SIRT1: variants seen among roughly 807,000 people sequenced by gnomAD.
SIRT1 encodes the protein NAD-dependent protein deacetylase sirtuin-1.
Under a neutral mutation model 67.9 loss-of-function variants are expected in SIRT1, and 24 were observed. That is an observed-to-expected ratio of 0.35 (90% CI 0.26 to 0.50). SIRT1 has a LOEUF of 0.50. SIRT1 is among the 20% of genes least tolerant of loss of function. The pLI is 0.98. For synonymous variants in SIRT1, 378 were observed against 350.7 expected, an observed-to-expected ratio of 1.08 and a Z score of -0.87; for missense variants, 873 against 937.2, an observed-to-expected ratio of 0.93 and a Z score of 0.89.
Position 67,891,493 on chromosome 10 carries a change from A to T in SIRT1, c.881A>T (p.Gln294Leu), listed in dbSNP as rs1842572999. The T allele has an allele frequency of 1.2e-6, 2 of 1,614,150 alleles. No homozygotes were observed. Among genetic ancestry groups the T allele is most frequent in the African/African-American group, 2.7e-5 (2 of 75,048 alleles). The change falls in exon 4 of 9, where the codon CAA becomes CTA. Residue 294 changes from glutamine to leucine, a missense_variant. By Grantham distance (113) the Gln-to-Leu change is moderately radical. Transcript: ENST00000212015. The stretch of plus-strand genomic sequence containing the variant: ...GACTTCCCAGATCTTCCAGATCCTC[A>T]AGCGATGTTTGATATTGAATATTTC... ...AVDFPDLPDP[Q>L]AMFDIEYFRK...
chr10:67,908,379 A>AT (rs1448973266), intron 6 of SIRT1, among the ~76,000 whole-genome samples: 1 of 152,232 alleles, frequency 6.6e-6, no homozygotes, highest in Non-Finnish European at 1.5e-5. Flanking sequence ...ATGTCAGATC[A>AT]TAAGCAAGTT....
rs2029954004 is a variant in SIRT1, at chr10:67,917,339, A to G, written c.*746A>G. 2.0e-5 allele frequency: 3 copies of G among 152,658 alleles called. No individual in the cohort carries two copies. Among genetic ancestry groups the G allele is most frequent in the African/African-American group, 7.2e-5 (3 of 41,458 alleles). The allele number at this position is 152,658 out of a possible 1,614,324, so 9.5% of individuals were successfully genotyped here. A position where few individuals can be genotyped will look rare whatever the true frequency, so the allele number is the denominator to read the frequency against. On this transcript the variant is annotated 3_prime_UTR_variant, in exon 9 of 9. Transcript: ENST00000212015. The stretch of plus-strand genomic sequence containing the variant: ...TTGGCTCATAAAACTAACCTGAAAA[A>G]CAAATAAATGCTTTGGAAATGTTTC...
chr10:67,912,063 T>C (rs1018560130), intron 7 of SIRT1, among the ~76,000 whole-genome samples: 1 of 152,086 alleles, frequency 6.6e-6, no homozygotes, highest in Non-Finnish European at 1.5e-5. Context: ...TGTACCCAGC[T>C]CACCTTCTTT....
chr10:67,897,290 GT>G (rs113438030), intron 4 of SIRT1, among the ~76,000 whole-genome samples: 86,597 of 141,832 alleles, frequency 0.61, 26,481 homozygotes, highest in Non-Finnish European at 0.67. Context: ...ACTGTATTTT[GT>G]TTTTTTTTTT....
rs1337495965 is a variant in SIRT1, at chr10:67,909,377, A to G, written c.1292A>G (p.Asp431Gly). ...QFHRAMKYDK[D>G]EVDLLIVIGS... ...CATAGAGCCATGAAGTATGACAAAG[A>G]TGAAGTTGACCTCCTCATTGTTATT... is the stretch of plus-strand genomic sequence containing the variant. Residue 431 changes from aspartate (D) to glycine (G), a missense_variant, in exon 7 of 9, where the codon GAT becomes GGT. This residue lies in a region of SIRT1 where 251 missense variants were observed against 358.8 expected (regional missense o/e 0.70). Transcript: ENST00000212015. 6.2e-7 allele frequency: 1 copy of G among 1,613,716 alleles called. No homozygotes were observed. The highest frequency in any genetic ancestry group is 1.3e-5 in the African/African-American group (1 of 74,912).
intron 4 of SIRT1, among the ~76,000 whole-genome samples, chr10:67,894,332 T>TA (rs1332031817): frequency 4.6e-5 from 7 of 152,264 alleles, no homozygotes; most frequent in Non-Finnish European, 8.8e-5. Context: ...ATCTAGCTTT[T>TA]AGAGCAGACA....
At chr10:67,914,437 T>C (rs1842948431) in intron 8 of SIRT1, among the ~76,000 whole-genome samples, 1 of 151,932 alleles carries the variant, frequency 6.6e-6, no homozygotes, top group Non-Finnish European at 1.5e-5. Flanking sequence ...TATTTAACAA[T>C]AAGTAGGGAT....
At chr10:67,897,236 A>G (rs141114314) in intron 4 of SIRT1, among the ~76,000 whole-genome samples, 2 of 151,560 alleles carry the variant, frequency 1.3e-5, no homozygotes, top group African/African-American at 4.8e-5. Flanking sequence ...TCTTTCACAC[A>G]AGAACAGTTA....
intron 4 of SIRT1, among the ~76,000 whole-genome samples, chr10:67,902,380 T>C (rs568685907): frequency 6.6e-6 from 1 of 152,204 alleles, no homozygotes; most frequent in African/African-American, 2.4e-5. Context: ...CTGCTAATAA[T>C]TAATTTTAAA....
At position 67,912,910 on chromosome 10, in the gene SIRT1, G is replaced by C; in HGVS notation, c.1794G>C (p.Pro598=). 6.2e-7 allele frequency: 1 copy of C among 1,614,064 alleles called. No homozygotes were observed. The stretch of plus-strand genomic sequence containing the variant: ...GTATTGCTGAACAGATGGAAAATCC[G>C]GATTTGAAGAATGTTGGTTCTAGTA... The part of the protein sequence containing the change: ...VESIAEQMEN[P]DLKNVGSSTG... Residue 598 remains proline (P), a synonymous_variant, in exon 8 of 9, where the codon CCG becomes CCC. Coordinates refer to ENST00000212015, the MANE Select transcript of SIRT1 (RefSeq NM_012238.5).
intron 3 of SIRT1, among the ~76,000 whole-genome samples, chr10:67,890,672 A>G (rs559700613): frequency 6.5e-4 from 99 of 152,164 alleles, no homozygotes; most frequent in Admixed American, 3.0e-3. Context: ...GGTTAAGGCC[A>G]TAATGAGCCA....
At position 67,900,626 on chromosome 10, in the gene SIRT1, T is replaced by A. The variant is rs187747315; in HGVS notation, c.943-6164T>A. ...TGCCCTGCTGTTTCTTTGTTTTTTTTATATGGACAGTCTTGCTATGTTGCC... is the reference window on the plus strand; with the variant it reads ...TGCCCTGCTGTTTCTTTGTTTTTTTAATATGGACAGTCTTGCTATGTTGCC... On this transcript the variant is annotated intron_variant, in intron 4 of 8. Transcript: ENST00000212015. Among the ~76,000 whole-genome samples, 360 of 151,852 alleles carry A rather than the reference T, an allele frequency of 2.4e-3. 3 individuals carry two copies. Among genetic ancestry groups the A allele is most frequent in the Non-Finnish European group, 4.3e-3 (290 of 67,910 alleles).
chr10:67,885,208 C>G, intron 1 of SIRT1, 57 bp downstream of exon 1: 1 of 1,284,872 alleles, frequency 7.8e-7, no homozygotes, highest in Non-Finnish European at 9.9e-7. Context: ...TCCCCGGGCT[C>G]CTACTGGCCT....
intron 7 of SIRT1, among the ~76,000 whole-genome samples, chr10:67,910,038 C>T (rs926604016): frequency 6.6e-6 from 1 of 151,942 alleles, no homozygotes; most frequent in African/African-American, 2.4e-5. Context: ...TGGCATTGTT[C>T]ATTGAGACTG....
At chr10:67,889,221 A>G (rs996979371) in intron 3 of SIRT1, 98 bp downstream of exon 3, 5 of 1,333,976 alleles carry the variant, frequency 3.7e-6, no homozygotes, top group African/African-American at 1.5e-5. Context: ...TTATCCTTAC[A>G]TGATAATGGA....
chr10:67,893,402 G>C (rs1554889609), intron 4 of SIRT1, among the ~76,000 whole-genome samples: 1 of 152,134 alleles, frequency 6.6e-6, no homozygotes, highest in Non-Finnish European at 1.5e-5. Context: ...GTGGTGTTTG[G>C]TTTTCTGTTC....
intron 4 of SIRT1, among the ~76,000 whole-genome samples, chr10:67,893,548 T>TA: frequency 6.6e-6 from 1 of 151,754 alleles, no homozygotes; most frequent in East Asian, 1.9e-4. Flanking sequence ...TAGCTTTTTT[T>TA]TTTTTTTTTT....
intron 6 of SIRT1, 79 bp from the exon 7 acceptor site, chr10:67,909,177 A>T: frequency 1.1e-6 from 1 of 886,164 alleles, no homozygotes; most frequent in Non-Finnish European, 1.7e-6. Context: ...GTATTCTTAG[A>T]GGTATGGAAA....
chr10:67,891,627 TTA>T, intron 4 of SIRT1, 73 bp downstream of exon 4: 1 of 1,461,558 alleles, frequency 6.8e-7, no homozygotes, highest in Non-Finnish European at 9.5e-7. Context: ...TACAGCCACC[TTA>T]AGGTTATCGT....
Sources: gnomAD v4.1 joint callset for allele counts (sites outside exome capture counted in the v4.1 genomes callset) on GRCh38, gnomAD v4.1.1 for gene constraint, gnomAD v4.1.1 regional missense constraint, MANE v1.5 for transcripts, NCBI Gene and HGNC (gene_info 2026-07-23, HGNC 2026-07-21) for gene names.